COP1: variants seen among roughly 807,000 people sequenced by gnomAD.
The protein encoded by COP1 is E3 ubiquitin-protein ligase COP1.
A neutral mutation model predicts 101.3 loss-of-function variants in COP1; 24 were observed. That is an observed-to-expected ratio of 0.24 (90% confidence interval 0.17 to 0.33). The LOEUF (loss-of-function observed/expected upper bound fraction) is 0.33. COP1 is among the 10% of genes least tolerant of loss of function. The pLI is 1.00. For missense variants in COP1, 663 were observed against 906.2 expected (o/e 0.73, Z 3.45); for synonymous variants, 347 against 341.9 (o/e 1.01, Z -0.17).
Position 175,980,870 on chromosome 1 carries a change from A to T in COP1, c.2133+6073T>A, listed in dbSNP as rs148170563. On this transcript the variant is annotated intron_variant, in intron 18 of 19. Coordinates refer to ENST00000367669, the MANE Select transcript of COP1 (RefSeq NM_022457.7). ...AATAATAGGGTATCTGCAGCCTCAA[A>T]AGAAGTTACTATGGACTCAGGGTCT... Among the ~76,000 whole-genome samples, 400 of 152,280 alleles carry T rather than the reference A, an allele frequency of 2.6e-3. 3 individuals are homozygous for T. Among genetic ancestry groups the T allele is most frequent in the African/African-American group, 9.2e-3 (382 of 41,570 alleles).
intron 15 of COP1, among the ~76,000 whole-genome samples, chr1:175,992,883 A>G (rs1658983947): frequency 1.3e-5 from 2 of 152,200 alleles, no homozygotes. Flanking sequence ...AGCTTTGAAG[A>G]GAGCAGTGGT....
chr1:176,005,923 T>G (rs1387411356), intron 15 of COP1, among the ~76,000 whole-genome samples: 14 of 152,128 alleles, frequency 9.2e-5, no homozygotes, highest in South Asian at 2.1e-4. Flanking sequence ...TCTGTCTCGT[T>G]GATCTGTCTA....
chr1:176,095,922 TA>T (rs1408488384), intron 9 of COP1, among the ~76,000 whole-genome samples: 4 of 152,186 alleles, frequency 2.6e-5, no homozygotes, highest in Admixed American at 1.3e-4. Context: ...TCACACAAAT[TA>T]AATCCTGCAT....
intron 5 of COP1, among the ~76,000 whole-genome samples, chr1:176,154,883 ACTTT>A (rs1481338344): frequency 6.6e-6 from 1 of 152,172 alleles, no homozygotes; most frequent in Non-Finnish European, 1.5e-5. Context: ...AAATTAATAT[ACTTT>A]CTTCTGCATT....
intron 15 of COP1, among the ~76,000 whole-genome samples, chr1:176,014,627 C>T (rs1401144247): frequency 1.3e-5 from 2 of 152,094 alleles, no homozygotes; most frequent in African/African-American, 4.8e-5. Flanking sequence ...AATGAAACTT[C>T]ACCTTACTTA....
At chr1:175,960,994 A>G (rs976025669) in intron 18 of COP1, among the ~76,000 whole-genome samples, 7 of 152,136 alleles carry the variant, frequency 4.6e-5, no homozygotes, top group African/African-American at 1.7e-4. Flanking sequence ...ACAAAAAGGG[A>G]GCAGAAAGGT....
intron 18 of COP1, among the ~76,000 whole-genome samples, chr1:175,972,717 C>T (rs1325323848): frequency 2.6e-5 from 4 of 152,016 alleles, no homozygotes; most frequent in African/African-American, 7.3e-5. Flanking sequence ...CTGCCCGCCT[C>T]GACCTCCCAA....
intron 11 of COP1, among the ~76,000 whole-genome samples, chr1:176,070,796 C>T (rs1188098881): frequency 6.6e-6 from 1 of 152,182 alleles, no homozygotes; most frequent in African/African-American, 2.4e-5. Context: ...TACAGGTGCA[C>T]ACCACAGGCC....
At chr1:175,948,879 T>G (rs1649499650) in intron 18 of COP1, among the ~76,000 whole-genome samples, 1 of 151,738 alleles carries the variant, frequency 6.6e-6, no homozygotes, top group South Asian at 2.1e-4. Flanking sequence ...AATAGTAACA[T>G]GGGGGCTGGG....
At chr1:176,090,945 A>G (rs1345908930) in intron 9 of COP1, among the ~76,000 whole-genome samples, 1 of 152,220 alleles carries the variant, frequency 6.6e-6, no homozygotes, top group South Asian at 2.1e-4. Flanking sequence ...AGTTAGACAC[A>G]CTAAGGTGAA....
intron 8 of COP1, among the ~76,000 whole-genome samples, chr1:176,131,170 A>C (rs1288602058): frequency 6.6e-6 from 1 of 151,896 alleles, no homozygotes; most frequent in East Asian, 1.9e-4. Context: ...TTATGCAAAG[A>C]GATGGATCTA....
At chr1:176,073,253 T>A (rs1677336576) in intron 11 of COP1, among the ~76,000 whole-genome samples, 2 of 152,224 alleles carry the variant, frequency 1.3e-5, no homozygotes, top group South Asian at 4.1e-4. Context: ...ACATTACCAG[T>A]ACAGAGACTA....
intron 18 of COP1, among the ~76,000 whole-genome samples, chr1:175,964,854 A>G (rs537087060): frequency 3.3e-5 from 5 of 152,228 alleles, no homozygotes; most frequent in Non-Finnish European, 7.3e-5. Flanking sequence ...AAAAACTCAC[A>G]ATCTATACTA....
chr1:176,037,283 C>T (rs1358061402), intron 14 of COP1, among the ~76,000 whole-genome samples: 11 of 151,506 alleles, frequency 7.3e-5, no homozygotes, highest in Non-Finnish European at 1.5e-4. Context: ...GGCGGGTGCC[C>T]GTAGTCCCAG....
intron 11 of COP1, among the ~76,000 whole-genome samples, chr1:176,055,638 C>A (rs866132013): frequency 6.6e-6 from 1 of 152,176 alleles, no homozygotes; most frequent in Non-Finnish European, 1.5e-5. Context: ...TAGTTGACAG[C>A]TCCAATTTTA....
chr1:176,163,729 C>T (rs1295915843), intron 4 of COP1, 86 bp downstream of exon 4: 1 of 831,464 alleles, frequency 1.2e-6, no homozygotes, highest in African/African-American at 1.8e-5. Flanking sequence ...CAATAATATA[C>T]TAAACTTTAA....
chr1:176,120,862 T>A (rs970746500), intron 8 of COP1, among the ~76,000 whole-genome samples: 1 of 152,194 alleles, frequency 6.6e-6, no homozygotes, highest in Admixed American at 6.5e-5. Context: ...GGTTTAAATT[T>A]AAATTATTAG....
chr1:176,089,487 C>T (rs1680895461), intron 9 of COP1, among the ~76,000 whole-genome samples: 1 of 152,128 alleles, frequency 6.6e-6, no homozygotes, highest in Non-Finnish European at 1.5e-5. Flanking sequence ...GGTTTGTGGT[C>T]CTAAATATGT....
At chr1:176,049,382 T>C (rs2149223859) in intron 11 of COP1, among the ~76,000 whole-genome samples, 1 of 152,222 alleles carries the variant, frequency 6.6e-6, no homozygotes, top group East Asian at 1.9e-4. Flanking sequence ...TCTTACATTT[T>C]GGTTATGTTT....
Sources: gnomAD v4.1 joint callset for allele counts (sites outside exome capture counted in the v4.1 genomes callset) on GRCh38, gnomAD v4.1.1 for gene constraint, MANE v1.5 for transcripts, NCBI Gene and HGNC (gene_info 2026-07-23, HGNC 2026-07-21) for gene names.